Variants in FLNB observed in about 807,000 individuals in gnomAD.
FLNB encodes filamin B.
A neutral mutation model predicts 250.6 loss-of-function variants in FLNB; 111 were observed. The observed-to-expected ratio is 0.44, with a 90% CI of 0.38 to 0.52. The LOEUF (loss-of-function observed/expected upper bound fraction) is 0.52, where lower values mean the gene tolerates loss of function less well. Among genes scored for constraint, FLNB ranks in the 20% least tolerant of loss-of-function variants. The pLI is 0.00. For synonymous variants in FLNB, 1,302 were observed against 1,372.1 expected, an observed-to-expected ratio of 0.95 and a Z score of 1.13; for missense variants, 2,869 against 3,447.8, an observed-to-expected ratio of 0.83 and a Z score of 4.20.
intron 43 of FLNB, 125 bp downstream of exon 43, chr3:58,163,455 C>A: frequency 1.0e-6 from 1 of 1,004,606 alleles, no homozygotes; most frequent in Non-Finnish European, 1.5e-6. Context: ...GGGTCATGCA[C>A]ACTTCGGAGG....
At chr3:58,078,306 G>A in intron 2 of FLNB, 1 of 1,439,672 alleles carries the variant, frequency 6.9e-7, no homozygotes. Context: ...GATAATTCTA[G>A]GTTTGTGCCT....
At chr3:58,120,623 T>C (rs1416053322) in intron 19 of FLNB, among the ~76,000 whole-genome samples, 1 of 152,242 alleles carries the variant, frequency 6.6e-6, no homozygotes, top group Non-Finnish European at 1.5e-5. Flanking sequence ...GGCTCGCATT[T>C]GGCAGCTCTG....
chr3:58,036,119 G>T (rs1298312671), intron 1 of FLNB, among the ~76,000 whole-genome samples: 1 of 152,220 alleles, frequency 6.6e-6, no homozygotes, highest in East Asian at 1.9e-4. Flanking sequence ...CTAGAGCACA[G>T]AATGAGAAGG....
chr3:58,079,699 A>G (rs186917911), intron 3 of FLNB, among the ~76,000 whole-genome samples: 1 of 152,244 alleles, frequency 6.6e-6, no homozygotes, highest in African/African-American at 2.4e-5. Flanking sequence ...TACAGTAGTC[A>G]CATTGCTTAG....
At chr3:58,052,234 T>C (rs2097163570) in intron 1 of FLNB, among the ~76,000 whole-genome samples, 1 of 152,158 alleles carries the variant, frequency 6.6e-6, no homozygotes, top group Non-Finnish European at 1.5e-5. Flanking sequence ...TTCGGATTGA[T>C]TGTAGTGGGG....
chr3:58,021,777 GTTTT>G (rs1208826951), intron 1 of FLNB, among the ~76,000 whole-genome samples: 1 of 144,918 alleles, frequency 6.9e-6, no homozygotes, highest in Non-Finnish European at 1.5e-5. Flanking sequence ...TTGTTTTTTT[GTTTT>G]TGTTTTTTTT....
intron 4 of FLNB, 84 bp from the exon 5 acceptor site, chr3:58,094,752 A>G (rs1311795028): frequency 2.6e-6 from 3 of 1,137,720 alleles, no homozygotes; most frequent in Non-Finnish European, 4.0e-6. Context: ...CCCATCTCTC[A>G]GTTCCCTGAA....
Position 58,133,432 on chromosome 3 carries a change from C to A in FLNB, c.4514+501C>A, listed in dbSNP as rs55647354. 2.1e-4 allele frequency among the ~76,000 whole-genome samples: 19 copies of A among 90,456 alleles called. 1 individual carries two copies. Among genetic ancestry groups the A allele is most frequent in the African/African-American group, 1.0e-3 (19 of 18,976 alleles). 59.3% of individuals were successfully genotyped at this position (90,456 alleles called of 152,430 possible). ...GGCAACATAGACCCTCCCCTGACAT[C>A]TCTGGAAAAAAAAAAAAAAAAAAAA... On this transcript the variant is annotated intron_variant, in intron 26 of 45. Transcript: ENST00000295956.
chr3:58,168,328 C>G (rs1334993688), intron 43 of FLNB, 112 bp from the exon 44 acceptor site: 4 of 843,248 alleles, frequency 4.7e-6, no homozygotes, highest in African/African-American at 1.7e-5. Context: ...TCCCATGCCA[C>G]CAGGGTGAGC....
chr3:58,141,993 T>C, intron 30 of FLNB, 64 bp downstream of exon 30: 1 of 1,400,350 alleles, frequency 7.1e-7, no homozygotes, highest in Non-Finnish European at 1.0e-6. Flanking sequence ...TCAGAAAATC[T>C]GCCATCTGCT....
intron 24 of FLNB, among the ~76,000 whole-genome samples, chr3:58,128,829 TAAC>T (rs1030384776): frequency 2.0e-5 from 3 of 152,186 alleles, no homozygotes; most frequent in African/African-American, 7.2e-5. Flanking sequence ...TCTTTGAGCA[TAAC>T]AACAGAAAGA....
intron 11 of FLNB, 106 bp downstream of exon 11, chr3:58,105,322 A>G: frequency 1.4e-6 from 2 of 1,459,434 alleles, no homozygotes; most frequent in Non-Finnish European, 1.9e-6. Context: ...CAATACCTTT[A>G]GCTTCCTGGC....
rs779881890 is a variant in FLNB, at chr3:58,146,904, AC to A, written c.5641del (p.Leu1881CysfsTer38). The A allele has an allele frequency of 6.2e-7, 1 of 1,614,152 alleles. No homozygotes were observed. The highest frequency in any genetic ancestry group is 1.1e-5 in the South Asian group (1 of 91,070). On this transcript the variant is annotated frameshift_variant, in exon 34 of 46. Coordinates refer to ENST00000295956, the MANE Select transcript of FLNB (RefSeq NM_001457.4). LOFTEE classifies it high-confidence loss of function. The part of the protein sequence containing the change: ...DNKDGTCTVT[Y>X]LPTLPGDYSI... ...AAAGATGGGACATGCACAGTGACCT[AC>A]CTGCCGACTCTGCCAGGCGACTACA...
intron 1 of FLNB, among the ~76,000 whole-genome samples, chr3:58,026,899 GT>G (rs1356702537): frequency 6.6e-6 from 1 of 152,170 alleles, no homozygotes; most frequent in Non-Finnish European, 1.5e-5. Context: ...AGATCTTTAT[GT>G]TTTAATGATG....
intron 1 of FLNB, among the ~76,000 whole-genome samples, chr3:58,053,702 T>A (rs1240761754): frequency 6.6e-6 from 1 of 152,154 alleles, no homozygotes; most frequent in Non-Finnish European, 1.5e-5. Context: ...GACCTTGTGA[T>A]CTGCCCGCCT....
chr3:58,158,668 A>G (rs1232045243), intron 41 of FLNB, among the ~76,000 whole-genome samples: 2 of 152,192 alleles, frequency 1.3e-5, no homozygotes, highest in Non-Finnish European at 2.9e-5. Flanking sequence ...AATATCTCAA[A>G]TGTTGTTGCT....
chr3:58,112,669 A>G (rs545525534), intron 18 of FLNB, among the ~76,000 whole-genome samples: 2 of 152,302 alleles, frequency 1.3e-5, no homozygotes, highest in Non-Finnish European at 2.9e-5. Flanking sequence ...ACACATACAC[A>G]CACACACGTG....
intron 1 of FLNB, among the ~76,000 whole-genome samples, chr3:58,030,863 AAC>A (rs149640841): frequency 0.03 from 4,542 of 152,208 alleles, 216 homozygotes; most frequent in African/African-American, 0.1. Context: ...CAGCCTGGGC[AAC>A]AGAGTGAGAC....
chr3:58,123,698 T>G lies in FLNB; in HGVS notation c.3724+8T>G. 6 of 1,471,790 alleles carry G rather than the reference T, an allele frequency of 4.1e-6. No homozygotes were observed. The highest frequency in any genetic ancestry group is 5.5e-6 in the Non-Finnish European group (6 of 1,090,152). 91.2% of individuals were successfully genotyped at this position (1,471,790 alleles called of 1,614,324 possible). On this transcript the variant is annotated splice_region_variant and intron_variant, in intron 21 of 45. Transcript: ENST00000295956. ...CAGGAATAGAAGGGAAAGGTGGGTT[T>G]CATTTAAAAAAAAAAAAAAAAAAAA...
Sources: allele counts gnomAD v4.1 joint callset (sites outside exome capture counted in the v4.1 genomes callset), GRCh38; gene constraint gnomAD v4.1.1; transcripts MANE v1.5; gene names NCBI Gene and HGNC (gene_info 2026-07-23, HGNC 2026-07-21).